EP400: variants seen among roughly 807,000 people sequenced by gnomAD.
EP400 encodes the protein E1A-binding protein p400.
Under a neutral mutation model 354.1 loss-of-function variants are expected in EP400, and 105 were observed. That is an observed-to-expected ratio of 0.30 (90% CI 0.25 to 0.35). The LOEUF (loss-of-function observed/expected upper bound fraction) is 0.35, where lower values mean the gene tolerates loss of function less well. Ranked by LOEUF, EP400 falls within the 10% of genes least tolerant of loss-of-function variation. EP400 has a pLI of 1.00. For synonymous variants in EP400, 1,646 were observed against 1,716.9 expected (o/e 0.96, Z 1.02); for missense variants, 3,280 against 4,121.0 (o/e 0.80, Z 5.59).
Position 132,062,193 on chromosome 12 carries a change from T to C in EP400, c.7968T>C (p.Pro2656=). 1 of 1,614,120 alleles carries C rather than the reference T, an allele frequency of 6.2e-7. No homozygotes were observed. Among genetic ancestry groups the C allele is most frequent in the South Asian group, 1.1e-5 (1 of 91,088 alleles). The change falls in exon 46 of 53, where the codon CCT becomes CCC. Residue 2656 remains proline, a synonymous_variant. Transcript: ENST00000389561. ...TCGGCTCCCCAGCCACGGCGACCCCTGACCTGGTGTCCATGGCAACGACTC... is the reference window on the plus strand; with the variant it reads ...TCGGCTCCCCAGCCACGGCGACCCCCGACCTGGTGTCCATGGCAACGACTC... ...RAVGSPATAT[P]DLVSMATTQG...
At chr12:132,042,992 A>G (rs1010959602) in intron 32 of EP400, among the ~76,000 whole-genome samples, 1 of 152,144 alleles carries the variant, frequency 6.6e-6, no homozygotes, top group Admixed American at 6.5e-5. Context: ...CTTGTTCTCC[A>G]AGCTTCCTTG....
At chr12:132,039,174 T>C (rs954380872) in intron 32 of EP400, among the ~76,000 whole-genome samples, 1 of 152,172 alleles carries the variant, frequency 6.6e-6, no homozygotes, top group Non-Finnish European at 1.5e-5. Flanking sequence ...TAAACATTAC[T>C]CAGTTACTGA....
chr12:132,047,753 CA>C lies in EP400; in HGVS notation c.7200+1854del, dbSNP rs534786042. On this transcript the variant is annotated intron_variant, in intron 39 of 52. Coordinates refer to ENST00000389561, the MANE Select transcript of EP400 (RefSeq NM_015409.5). ...GAAACAGGGTTTGAGAGCAGACAAC[CA>C]GTCTGACCAAAATTTATTAGGCAGG... Among the ~76,000 whole-genome samples, 286 of 152,250 alleles carry C rather than the reference CA, an allele frequency of 1.9e-3. 1 individual carries two copies. The highest frequency in any genetic ancestry group is 1.9e-3 in the Non-Finnish European group (129 of 68,026).
intron 23 of EP400, 47 bp downstream of exon 23, chr12:132,021,368 A>G: frequency 6.8e-7 from 1 of 1,463,540 alleles, no homozygotes; most frequent in Non-Finnish European, 9.0e-7. Context: ...TCTACCCCAG[A>G]GGAGTTGTGT....
At chr12:132,020,296 C>T in intron 22 of EP400, 78 bp downstream of exon 22, 1 of 1,460,068 alleles carries the variant, frequency 6.8e-7, no homozygotes, top group Non-Finnish European at 9.2e-7. Flanking sequence ...TCTTCTCGCG[C>T]CTCTGGATGC....
Position 132,029,702 on chromosome 12 carries a change from G to C in EP400, c.5383G>C (p.Val1795Leu), listed in dbSNP as rs761405534. Residue 1795 changes from valine (V) to leucine (L), a missense_variant and splice_region_variant, in exon 28 of 53, where the codon GTG (valine) becomes CTG (leucine). Coordinates refer to ENST00000389561, the MANE Select transcript of EP400 (RefSeq NM_015409.5). The surrounding 1 kb of genome is among the most constrained non-coding windows in gnomAD (Gnocchi z 4.7). ...CAAAACATGCTTTCTGCTCCTCAGG[G>C]TGGCCTTTGTGATTCCTCCGGTGGT... ...GESLQDVIDR[V>L]AFVIPPVVAA... 1.9e-6 allele frequency: 3 copies of C among 1,611,776 alleles called. No individual in the cohort carries two copies. The East Asian group carries it at 6.7e-5, about 36-fold the overall frequency.
intron 19 of EP400, among the ~76,000 whole-genome samples, chr12:132,016,657 C>G (rs1453489971): frequency 1.3e-5 from 2 of 152,200 alleles, no homozygotes; most frequent in South Asian, 2.1e-4. Flanking sequence ...CAGGCATGAG[C>G]CACCGCACCC....
chr12:132,060,010 G>C (rs766840799), intron 45 of EP400, among the ~76,000 whole-genome samples: 1 of 150,718 alleles, frequency 6.6e-6, no homozygotes, highest in East Asian at 1.9e-4. Flanking sequence ...GTGACAGAGC[G>C]AGACTCCGTT....
chr12:132,044,335 C>T (rs757696746), intron 35 of EP400, 24 bp downstream of exon 35: 10 of 1,602,720 alleles, frequency 6.2e-6, no homozygotes, highest in Admixed American at 1.7e-5. Flanking sequence ...GGCCCTCCTG[C>T]CCTCTTGCCC....
chr12:132,012,941 G>A, intron 16 of EP400, 68 bp from the exon 17 acceptor site: 2 of 1,470,232 alleles, frequency 1.4e-6, no homozygotes, highest in Middle Eastern at 2.6e-4. Flanking sequence ...TGGGAAGTGT[G>A]TGTCCTCAAG....
In EP400 at chr12:132,027,994, T is replaced by A; in HGVS notation, c.5110-23T>A. Reference sequence around the variant, plus strand: ...TGTCATTCTGTTTCTCAAGTAACTGTTTTTCATCACTTTTTGATAAAGGAG... The same window carrying A: ...TGTCATTCTGTTTCTCAAGTAACTGATTTTCATCACTTTTTGATAAAGGAG... On this transcript the variant is annotated intron_variant, in intron 26 of 52. Coordinates refer to ENST00000389561, the MANE Select transcript of EP400 (RefSeq NM_015409.5). This position sits in a 1 kb window ranked among gnomAD's most constrained non-coding sequence, Gnocchi z 4.9. 2 of 1,604,788 alleles carry A rather than the reference T, an allele frequency of 1.2e-6. No homozygotes were observed. The highest frequency in any genetic ancestry group is 1.7e-6 in the Non-Finnish European group (2 of 1,172,744).
chr12:131,970,699 A>G (rs752397212), intron 2 of EP400, among the ~76,000 whole-genome samples: 20 of 152,246 alleles, frequency 1.3e-4, no homozygotes, highest in Non-Finnish European at 2.4e-4. Context: ...AGGTGGTGAC[A>G]CTGTGAGGAA....
At position 132,023,868 on chromosome 12, in the gene EP400, C is replaced by T. The variant is rs1894208856; in HGVS notation, c.4782C>T (p.Phe1594=). The part of the protein sequence containing the change: ...AQPETPVTLQ[F]QGSKFTLSHS... ...CAGAGACGCCGGTGACACTGCAGTTCCAGGGCAGCAAGTTCACCCTGTCAC... is the reference window on the plus strand; with the variant it reads ...CAGAGACGCCGGTGACACTGCAGTTTCAGGGCAGCAAGTTCACCCTGTCAC... The change falls in exon 24 of 53, where the codon TTC becomes TTT. Residue 1594 remains phenylalanine (F), a synonymous_variant. Transcript: ENST00000389561. 1.2e-6 allele frequency: 2 copies of T among 1,613,576 alleles called. No individual in the cohort carries two copies. Among genetic ancestry groups the T allele is most frequent in the Non-Finnish European group, 1.7e-6 (2 of 1,179,868 alleles).
rs771551795 is a variant in EP400, at chr12:131,987,636, C to G, written c.2224-69C>G. 7.7e-5 allele frequency: 108 copies of G among 1,405,050 alleles called. 1 individual carries two copies. Among genetic ancestry groups the G allele is most frequent in the East Asian group, 6.6e-4 (27 of 40,724 alleles). The allele number at this position is 1,405,050 out of a possible 1,614,324, so 87.0% of individuals were successfully genotyped here. On this transcript the variant is annotated intron_variant, in intron 6 of 52. Transcript: ENST00000389561. ...TTTTGCATAGTAGGGCTTCAAATTT[C>G]TGGGGTCTGAGTTGGTGGAACACAC... is the stretch of plus-strand genomic sequence containing the variant.
At chr12:131,962,018 T>C in intron 2 of EP400, 64 bp downstream of exon 2, 2 of 1,498,538 alleles carry the variant, frequency 1.3e-6, no homozygotes, top group Non-Finnish European at 1.8e-6. Flanking sequence ...TATGCGACAA[T>C]GAATTAAGTA....
chr12:132,072,458 G>T (rs776290442), intron 51 of EP400, among the ~76,000 whole-genome samples: 4 of 152,056 alleles, frequency 2.6e-5, no homozygotes, highest in Admixed American at 6.5e-5. Context: ...TAATTTCCAG[G>T]TGAGGTTTTC....
Position 131,990,783 on chromosome 12 carries a change from C to A in EP400, c.2629+69C>A. 8.3e-7 allele frequency: 1 copy of A among 1,199,260 alleles called. No individual in the cohort carries two copies. The highest frequency in any genetic ancestry group is 1.2e-6 in the Non-Finnish European group (1 of 824,964). 74.3% of individuals were successfully genotyped at this position (1,199,260 alleles called of 1,614,324 possible). A position where few individuals can be genotyped will look rare whatever the true frequency, so the allele number is the denominator to read the frequency against. On this transcript the variant is annotated intron_variant, in intron 9 of 52. Coordinates refer to ENST00000389561, the MANE Select transcript of EP400 (RefSeq NM_015409.5). This position sits in a 1 kb window ranked among gnomAD's most constrained non-coding sequence, Gnocchi z 4.2. Reference sequence around the variant, plus strand: ...TTGTTCGGATTCTTTTCTCAGCAGGCAGTCTCCTGGCGCTGTGGCTTCCCA... The same window carrying A: ...TTGTTCGGATTCTTTTCTCAGCAGGAAGTCTCCTGGCGCTGTGGCTTCCCA...
At chr12:132,055,730 T>G (rs1895483821) in intron 45 of EP400, among the ~76,000 whole-genome samples, 1 of 144,094 alleles carries the variant, frequency 6.9e-6, no homozygotes, top group South Asian at 2.2e-4. Context: ...AGTGTAGGGG[T>G]GTGTGTGTGA....
In EP400 at chr12:132,062,677, C is replaced by T; in HGVS notation, c.8310C>T (p.Ile2770=). ...GCCAGGCCCAGTCCCCAGCACAGAT[C>T]AAAGCTGTGGGCAAGCTGACGCCGG... ...IQGQAQSPAQ[I]KAVGKLTPEH... Residue 2770 remains isoleucine, a synonymous_variant, in exon 47 of 53, where the codon ATC becomes ATT. Coordinates refer to ENST00000389561, the MANE Select transcript of EP400 (RefSeq NM_015409.5). The T allele has an allele frequency of 1.2e-6, 2 of 1,613,998 alleles. No homozygotes were observed. The highest frequency in any genetic ancestry group is 1.7e-6 in the Non-Finnish European group (2 of 1,179,874).
Sources: gnomAD v4.1 joint callset for allele counts (sites outside exome capture counted in the v4.1 genomes callset) on GRCh38, gnomAD v4.1.1 for gene constraint, Gnocchi (gnomAD v3.1) non-coding constraint, MANE v1.5 for transcripts, NCBI Gene and HGNC (gene_info 2026-07-23, HGNC 2026-07-21) for gene names.